CCM2: variants seen among roughly 807,000 people sequenced by gnomAD.
CCM2 encodes cerebral cavernous malformations 2 protein.
CCM2 carries 25 observed loss-of-function variants against 44.9 expected under a neutral mutation model. The observed-to-expected ratio is 0.56, with a 90% CI of 0.41 to 0.78. CCM2 has a LOEUF of 0.78. CCM2 is among the 30% of genes least tolerant of loss of function. The pLI is 0.00. For missense variants in CCM2, 481 were observed against 580.6 expected (o/e 0.83, Z 1.76); for synonymous variants, 219 against 241.1 (o/e 0.91, Z 0.85).
In CCM2 at chr7:45,068,523, A is replaced by G. The variant is rs373239614; in HGVS notation, c.553A>G (p.Ser185Gly). ...RGLSAGSLSE[S>G]AVGPVEACCL... The stretch of plus-strand genomic sequence containing the variant: ...CCTCAGTGCAGGCTCCCTGTCGGAG[A>G]GTGCAGTTGGGCCCGTGGAGGCATG... Residue 185 changes from serine to glycine, a missense_variant, in exon 5 of 10, where the codon AGT becomes GGT. By Grantham distance (56) the Ser-to-Gly change is moderately conservative. Coordinates refer to ENST00000258781, the MANE Select transcript of CCM2 (RefSeq NM_031443.4). The G allele has an allele frequency of 6.2e-7, 1 of 1,613,942 alleles. No homozygotes were observed. Among genetic ancestry groups the G allele is most frequent in the Non-Finnish European group, 8.5e-7 (1 of 1,180,026 alleles).
chr7:45,000,018 G>T (rs1209612854), upstream of CCM2, among the ~76,000 whole-genome samples: 1 of 152,080 alleles, frequency 6.6e-6, no homozygotes, highest in Non-Finnish European at 1.5e-5. Context: ...CGCCGTGAGC[G>T]GGGCCAACGG....
intron 2 of CCM2, among the ~76,000 whole-genome samples, chr7:45,042,265 C>A (rs200065460): frequency 0.017 from 1,685 of 101,864 alleles, 2 homozygotes; most frequent in East Asian, 0.027. Flanking sequence ...GATTCCATCT[C>A]AAAAAAAAAA....
intron 1 of CCM2, 52 bp from the exon 2 acceptor site, chr7:45,038,201 C>G (rs757009997): frequency 1.9e-5 from 31 of 1,606,316 alleles, no homozygotes; most frequent in Non-Finnish European, 2.6e-5. Flanking sequence ...ATAGGTACAA[C>G]ACAAAGCATT....
intron 2 of CCM2, among the ~76,000 whole-genome samples, chr7:45,057,671 A>G (rs903418131): frequency 2.6e-5 from 4 of 152,220 alleles, no homozygotes; most frequent in African/African-American, 9.6e-5. Flanking sequence ...CTGTGGAAAC[A>G]TTCCAAAATG....
intron 2 of CCM2, among the ~76,000 whole-genome samples, chr7:45,049,759 G>T (rs1182752871): frequency 6.7e-6 from 1 of 149,314 alleles, no homozygotes; most frequent in Non-Finnish European, 1.5e-5. Context: ...GTTGAAGTCA[G>T]TGCATACGTG....
chr7:45,033,296 A>G (rs1327301281), intron 1 of CCM2, among the ~76,000 whole-genome samples: 2 of 152,098 alleles, frequency 1.3e-5, no homozygotes, highest in African/African-American at 4.8e-5. Context: ...TTCTGTGTGG[A>G]GACTATAATT....
At chr7:45,009,402 GTTTTTTTT>G (rs66697662) in intron 1 of CCM2, among the ~76,000 whole-genome samples, 1 of 74,796 alleles carries the variant, frequency 1.3e-5, no homozygotes, top group Non-Finnish European at 2.3e-5. Flanking sequence ...GGCTATACTT[GTTTTTTTT>G]TTTTTTTTTT....
intron 2 of CCM2, among the ~76,000 whole-genome samples, chr7:45,060,477 A>G (rs889142028): frequency 3.9e-5 from 6 of 152,100 alleles, no homozygotes; most frequent in Admixed American, 1.3e-4. Context: ...GGATCTGTGG[A>G]TGGGTGTCTG....
At chr7:45,071,332 T>C (rs1799060975) in intron 6 of CCM2, 1 of 156,510 alleles carries the variant, frequency 6.4e-6, no homozygotes, top group African/African-American at 2.4e-5. Flanking sequence ...AAGTCATACA[T>C]GTACAGTTGA....
At chr7:45,069,737 A>G (rs984060809) in intron 5 of CCM2, 89 bp from the exon 6 acceptor site, 4 of 1,525,142 alleles carry the variant, frequency 2.6e-6, no homozygotes, top group Non-Finnish European at 3.6e-6. Context: ...TTTATTGAGC[A>G]TCTGGGCTGC....
At chr7:45,046,640 A>C (rs1338628815) in intron 2 of CCM2, among the ~76,000 whole-genome samples, 2 of 152,250 alleles carry the variant, frequency 1.3e-5, no homozygotes, top group East Asian at 1.9e-4. Context: ...TACAACTTCT[A>C]GGATAAAACA....
At chr7:45,054,764 T>A (rs1352355668) in intron 2 of CCM2, among the ~76,000 whole-genome samples, 1 of 152,238 alleles carries the variant, frequency 6.6e-6, no homozygotes, top group East Asian at 1.9e-4. Context: ...CTCTTGTAGC[T>A]GTGCTCTTGG....
At chr7:45,023,555 A>G (rs923222419) in intron 1 of CCM2, among the ~76,000 whole-genome samples, 5 of 152,204 alleles carry the variant, frequency 3.3e-5, no homozygotes, top group African/African-American at 9.7e-5. Context: ...GTCTCAAAAA[A>G]CAAAACTAAC....
rs2107732 is a variant in CCM2, at chr7:45,038,379, G to A, written c.157G>A (p.Val53Ile). 0.079 allele frequency: 127,743 copies of A among 1,614,010 alleles called. 5,764 individuals carry two copies. The highest frequency in any genetic ancestry group is 0.092 in the Non-Finnish European group (108,111 of 1,179,944). ...HTVVLSLPERVEPDRLLSDYI... is the reference protein window; with the variant it reads ...HTVVLSLPERIEPDRLLSDYI... The stretch of plus-strand genomic sequence containing the variant: ...TGTGGTGTTGTCATTGCCTGAGCGC[G>A]TCGAGCCAGACAGACTGCTGAGCGA... Residue 53 changes from valine to isoleucine, a missense_variant, in exon 2 of 10, where the codon GTC (valine) becomes ATC (isoleucine). By Grantham distance (29) the Val-to-Ile change is conservative (BLOSUM62 3). Coordinates refer to ENST00000258781, the MANE Select transcript of CCM2 (RefSeq NM_031443.4).
intron 1 of CCM2, among the ~76,000 whole-genome samples, chr7:45,020,099 T>A (rs538272486): frequency 6.6e-6 from 1 of 151,192 alleles, no homozygotes; most frequent in South Asian, 2.1e-4. Context: ...CCAATAAAAT[T>A]GCAGCTTTTT....
intron 1 of CCM2, among the ~76,000 whole-genome samples, chr7:45,003,100 A>G (rs141595650): frequency 6.6e-6 from 1 of 151,678 alleles, no homozygotes; most frequent in Non-Finnish European, 1.5e-5. Context: ...TTTGAGATAG[A>G]GTTTCGCTCT....
intron 2 of CCM2, among the ~76,000 whole-genome samples, chr7:45,061,012 G>C (rs530120662): frequency 6.6e-6 from 1 of 152,206 alleles, no homozygotes; most frequent in African/African-American, 2.4e-5. Context: ...GAGTTGGGCT[G>C]TGTTTACTGT....
At chr7:45,020,602 A>G (rs1317872397) in intron 1 of CCM2, among the ~76,000 whole-genome samples, 1 of 152,192 alleles carries the variant, frequency 6.6e-6, no homozygotes, top group Non-Finnish European at 1.5e-5. Flanking sequence ...TTGCTGGGAA[A>G]CATAAGTGCA....
intron 6 of CCM2, 36 bp downstream of exon 6, chr7:45,069,997 G>T: frequency 6.2e-7 from 1 of 1,610,164 alleles, no homozygotes; most frequent in South Asian, 1.1e-5. Context: ...GGTGGGAGCA[G>T]GGACAGGAGG....
Sources: gnomAD v4.1 joint callset for allele counts (sites outside exome capture counted in the v4.1 genomes callset) on GRCh38, gnomAD v4.1.1 for gene constraint, MANE v1.5 for transcripts, NCBI Gene and HGNC (gene_info 2026-07-23, HGNC 2026-07-21) for gene names.